ATRNL1: variants seen among roughly 807,000 people sequenced by gnomAD.
The protein encoded by ATRNL1 is attractin like 1.
ATRNL1 carries 95 observed loss-of-function variants against 182.7 expected under a neutral mutation model. That is an observed-to-expected ratio of 0.52 (90% confidence interval 0.44 to 0.62). The LOEUF is 0.62. Ranked by LOEUF, ATRNL1 falls within the 20% of genes least tolerant of loss-of-function variation. ATRNL1 has a pLI of 0.00. For missense variants in ATRNL1, 1,471 were observed against 1,679.5 expected (o/e 0.88, Z 2.17); for synonymous variants, 576 against 568.3 (o/e 1.01, Z -0.19).
chr10:115,373,404 T>C (rs1857496887), intron 19 of ATRNL1, among the ~76,000 whole-genome samples: 1 of 152,072 alleles, frequency 6.6e-6, no homozygotes, highest in South Asian at 2.1e-4. Context: ...TTATGTTGAA[T>C]AGAAGTGGTG....
At chr10:115,584,400 G>A (rs1306214788) in intron 26 of ATRNL1, among the ~76,000 whole-genome samples, 2 of 137,784 alleles carry the variant, frequency 1.5e-5, no homozygotes, top group African/African-American at 5.1e-5. Context: ...TGGTTGGTAA[G>A]CTATTGATTA....
intron 20 of ATRNL1, among the ~76,000 whole-genome samples, chr10:115,401,093 A>G (rs960991175): frequency 1.2e-4 from 19 of 152,200 alleles, no homozygotes; most frequent in African/African-American, 4.1e-4. Flanking sequence ...TGGAGATGGA[A>G]TAGCACCCCC....
intron 7 of ATRNL1, among the ~76,000 whole-genome samples, chr10:115,168,712 A>G (rs1369687474): frequency 6.6e-6 from 1 of 152,078 alleles, no homozygotes; most frequent in Non-Finnish European, 1.5e-5. Flanking sequence ...GATACAAGCC[A>G]TTATCAGGTA....
At chr10:115,747,265 C>A (rs1202353327) in intron 27 of ATRNL1, among the ~76,000 whole-genome samples, 1 of 152,066 alleles carries the variant, frequency 6.6e-6, no homozygotes, top group Non-Finnish European at 1.5e-5. Flanking sequence ...GAATGATGAT[C>A]CTTTATCTTA....
chr10:115,602,498 C>T (rs1386848045), intron 26 of ATRNL1, among the ~76,000 whole-genome samples: 13 of 152,152 alleles, frequency 8.5e-5, no homozygotes, highest in African/African-American at 3.1e-4. Context: ...AATTCTGACA[C>T]TGACTATTCA....
intron 26 of ATRNL1, among the ~76,000 whole-genome samples, chr10:115,642,064 A>G (rs1555030603): frequency 6.6e-6 from 1 of 152,090 alleles, no homozygotes; most frequent in Non-Finnish European, 1.5e-5. Flanking sequence ...GAACCTAGAG[A>G]TTTTAGTATT....
chr10:115,235,782 A>G (rs1345865853), intron 9 of ATRNL1, among the ~76,000 whole-genome samples: 1 of 152,096 alleles, frequency 6.6e-6, no homozygotes, highest in Non-Finnish European at 1.5e-5. Context: ...TTTCCTTTTT[A>G]AATTACTAAG....
At chr10:115,173,937 G>A (rs544299887) in intron 8 of ATRNL1, among the ~76,000 whole-genome samples, 1 of 466 alleles carries the variant, frequency 2.1e-3, no homozygotes, top group Non-Finnish European at 5.2e-3. Flanking sequence ...TACATGTCTT[G>A]TATTTTCAAA....
intron 26 of ATRNL1, among the ~76,000 whole-genome samples, chr10:115,586,629 A>G (rs1426394790): frequency 8.8e-6 from 1 of 113,344 alleles, no homozygotes; most frequent in African/African-American, 2.8e-5. Context: ...ACTTCTCTGT[A>G]TTGGTTATTC....
At chr10:115,190,536 A>G (rs1428576554) in intron 8 of ATRNL1, among the ~76,000 whole-genome samples, 1 of 151,864 alleles carries the variant, frequency 6.6e-6, no homozygotes, top group Admixed American at 6.6e-5. Flanking sequence ...AGAAATACGC[A>G]CTCCCTATAA....
chr10:115,509,175 C>A (rs1465362956), intron 24 of ATRNL1, among the ~76,000 whole-genome samples: 1 of 151,970 alleles, frequency 6.6e-6, no homozygotes, highest in Non-Finnish European at 1.5e-5. Context: ...ATATTTTAAG[C>A]CCACTGTTGA....
intron 26 of ATRNL1, among the ~76,000 whole-genome samples, chr10:115,713,471 G>GTGTGTGTGTT (rs1565310456): frequency 6.8e-6 from 1 of 147,520 alleles, no homozygotes; most frequent in African/African-American, 2.7e-5. Flanking sequence ...GTGTGTTTGT[G>GTGTGTGTGTT]TGTGTGTCTG....
intron 1 of ATRNL1, among the ~76,000 whole-genome samples, chr10:115,114,038 A>G (rs1844373066): frequency 6.6e-6 from 1 of 152,042 alleles, no homozygotes; most frequent in Admixed American, 6.6e-5. Context: ...ACAGCGTGAT[A>G]CCTGCATAAA....
chr10:115,203,745 A>ATTTTTTTTTTTT (rs71476116), intron 8 of ATRNL1, among the ~76,000 whole-genome samples: 16 of 105,986 alleles, frequency 1.5e-4, no homozygotes, highest in African/African-American at 3.2e-4. Context: ...ATGCCTGGCT[A>ATTTTTTTTTTTT]TTTTTTTTTT....
chr10:115,486,455 G>C (rs1565093827), intron 24 of ATRNL1, among the ~76,000 whole-genome samples: 4 of 152,008 alleles, frequency 2.6e-5, no homozygotes. Flanking sequence ...GCCATGAGAT[G>C]GTATCTCATT....
At chr10:115,868,479 C>T (rs1242871383) in intron 28 of ATRNL1, among the ~76,000 whole-genome samples, 5 of 152,154 alleles carry the variant, frequency 3.3e-5, no homozygotes, top group African/African-American at 1.2e-4. Context: ...AGCATGGAGG[C>T]GAGGGCCATC....
intron 27 of ATRNL1, among the ~76,000 whole-genome samples, chr10:115,744,659 T>G (rs1237562129): frequency 6.6e-6 from 1 of 152,120 alleles, no homozygotes; most frequent in Admixed American, 6.6e-5. Context: ...AATATTTGAT[T>G]AACTATATAC....
At chr10:115,254,512 G>C (rs534418754) in intron 10 of ATRNL1, among the ~76,000 whole-genome samples, 68 of 146,420 alleles carry the variant, frequency 4.6e-4, no homozygotes, top group African/African-American at 1.6e-3. Context: ...ATTTGTTTGA[G>C]TTCTTTGTAG....
At chr10:115,401,715 G>A (rs1358387201) in intron 20 of ATRNL1, among the ~76,000 whole-genome samples, 4 of 152,000 alleles carry the variant, frequency 2.6e-5, no homozygotes, top group African/African-American at 7.2e-5. Context: ...CTTAGGAAAC[G>A]GGACATATTT....
Sources: allele counts gnomAD v4.1 joint callset (sites outside exome capture counted in the v4.1 genomes callset), GRCh38; gene constraint gnomAD v4.1.1; transcripts MANE v1.5; gene names NCBI Gene and HGNC (gene_info 2026-07-23, HGNC 2026-07-21).